Variants in NDRG1 observed in about 807,000 individuals in gnomAD.
NDRG1 encodes protein NDRG1.
A neutral mutation model predicts 56.9 loss-of-function variants in NDRG1; 32 were observed. That is an observed-to-expected ratio of 0.56 (90% CI 0.42 to 0.76). The LOEUF is 0.76. Among genes scored for constraint, NDRG1 ranks in the 30% least tolerant of loss-of-function variants. The pLI is 0.00. For missense variants in NDRG1, 507 were observed against 545.7 expected (o/e 0.93, Z 0.71); for synonymous variants, 211 against 204.1 (o/e 1.03, Z -0.29).
At chr8:133,248,904 G>T in intron 10 of NDRG1, 133 bp from the exon 11 acceptor site, 1 of 931,278 alleles carries the variant, frequency 1.1e-6, no homozygotes, top group Non-Finnish European at 1.7e-6. Context: ...ACTTGAGAGA[G>T]GCCCTGTGGC....
intron 9 of NDRG1, among the ~76,000 whole-genome samples, chr8:133,254,112 C>T (rs914780069): frequency 4.0e-5 from 6 of 151,792 alleles, no homozygotes; most frequent in African/African-American, 1.5e-4. Context: ...CTATATAATG[C>T]CATTTATATA....
chr8:133,251,922 G>A (rs564441717), intron 9 of NDRG1, among the ~76,000 whole-genome samples: 1 of 152,326 alleles, frequency 6.6e-6, no homozygotes, highest in African/African-American at 2.4e-5. Context: ...ACCATGTGAA[G>A]ACAGAGGCAG....
chr8:133,238,969 T>C lies in NDRG1; in HGVS notation c.1094A>G (p.His365Arg). Reference protein sequence around the residue: ...HTSEGTRSRSHTSEGAHLDIT... With the variant: ...HTSEGTRSRSRTSEGAHLDIT... The stretch of plus-strand genomic sequence containing the variant: ...GTCCAGGTGGGCCCCCTCGCTGGTG[T>C]GCGAGCGGCTGCGGGTGCCCTCGCT... Residue 365 changes from histidine to arginine, a missense_variant, in exon 16 of 16, where the codon CAC (histidine) becomes CGC (arginine). Physicochemically the swap from His to Arg is conservative, Grantham distance 29. Transcript: ENST00000323851. 6.3e-7 allele frequency: 1 copy of C among 1,587,414 alleles called. No individual in the cohort carries two copies. The highest frequency in any genetic ancestry group is 1.3e-5 in the African/African-American group (1 of 74,736).
At chr8:133,271,025 G>A (rs556103013) in intron 3 of NDRG1, among the ~76,000 whole-genome samples, 2 of 152,194 alleles carry the variant, frequency 1.3e-5, no homozygotes, top group Non-Finnish European at 2.9e-5. Flanking sequence ...GATGATTAGT[G>A]TGAAGCTCCC....
intron 3 of NDRG1, among the ~76,000 whole-genome samples, chr8:133,274,374 G>A (rs1281988328): frequency 6.6e-6 from 1 of 152,118 alleles, no homozygotes; most frequent in Non-Finnish European, 1.5e-5. Context: ...AAGGAAGTAG[G>A]AATCTGCCTG....
intron 13 of NDRG1, among the ~76,000 whole-genome samples, chr8:133,246,277 CTCT>C (rs1285664976): frequency 2.0e-5 from 3 of 152,234 alleles, no homozygotes; most frequent in South Asian, 2.1e-4. Flanking sequence ...TGGGACACGT[CTCT>C]TCTTATTGTG....
chr8:133,280,808 A>C (rs1217804702), intron 2 of NDRG1, among the ~76,000 whole-genome samples: 2 of 152,134 alleles, frequency 1.3e-5, no homozygotes, highest in Non-Finnish European at 2.9e-5. Flanking sequence ...CTTTCTGACA[A>C]TAGCCTTGAT....
intron 3 of NDRG1, among the ~76,000 whole-genome samples, chr8:133,266,012 C>T (rs910881456): frequency 1.3e-5 from 2 of 152,260 alleles, no homozygotes; most frequent in Non-Finnish European, 2.9e-5. Flanking sequence ...GAGGCAAGGC[C>T]ATCAGGCTGC....
intron 3 of NDRG1, among the ~76,000 whole-genome samples, chr8:133,268,215 C>T (rs1213459426): frequency 6.6e-6 from 1 of 152,136 alleles, no homozygotes; most frequent in South Asian, 2.1e-4. Flanking sequence ...GAGCATTACA[C>T]CCTAGAAAGG....
At chr8:133,294,673 G>GC (rs1554596648) in intron 1 of NDRG1, among the ~76,000 whole-genome samples, 4 of 108,026 alleles carry the variant, frequency 3.7e-5, no homozygotes, top group African/African-American at 1.3e-4. Context: ...TTCTGTCATG[G>GC]GGGGGGGGCA....
intron 3 of NDRG1, among the ~76,000 whole-genome samples, chr8:133,275,027 A>G (rs1345144769): frequency 6.6e-6 from 1 of 152,168 alleles, no homozygotes; most frequent in Non-Finnish European, 1.5e-5. Context: ...CTGAGGTCAG[A>G]TTATGCTGAC....
At chr8:133,278,669 A>G (rs1305600699) in intron 3 of NDRG1, among the ~76,000 whole-genome samples, 2 of 152,160 alleles carry the variant, frequency 1.3e-5, no homozygotes, top group Admixed American at 6.5e-5. Context: ...CTCTCCTGTT[A>G]TCATGAGATA....
At chr8:133,292,868 TCA>T (rs1858502204) in intron 1 of NDRG1, among the ~76,000 whole-genome samples, 1 of 152,186 alleles carries the variant, frequency 6.6e-6, no homozygotes, top group Non-Finnish European at 1.5e-5. Context: ...TTAAGGAGCC[TCA>T]CTTTCTACCA....
At chr8:133,285,614 C>G (rs764841439) in intron 1 of NDRG1, among the ~76,000 whole-genome samples, 2 of 152,218 alleles carry the variant, frequency 1.3e-5, no homozygotes, top group Non-Finnish European at 2.9e-5. Flanking sequence ...ACCCCGAATC[C>G]ACCCCGGGTC....
chr8:133,270,021 T>C (rs1563632202), intron 3 of NDRG1, among the ~76,000 whole-genome samples: 1 of 152,248 alleles, frequency 6.6e-6, no homozygotes, highest in East Asian at 1.9e-4. Context: ...ACACATGCCA[T>C]GCAAACCCTG....
At chr8:133,284,792 T>C in intron 1 of NDRG1, 1 of 457,356 alleles carries the variant, frequency 2.2e-6, no homozygotes, top group Non-Finnish European at 4.4e-6. Context: ...AGCCTCACAG[T>C]TAGCCCTAAC....
At chr8:133,262,728 C>T (rs752729845) in intron 4 of NDRG1, among the ~76,000 whole-genome samples, 1 of 152,164 alleles carries the variant, frequency 6.6e-6, no homozygotes, top group Non-Finnish European at 1.5e-5. Context: ...ACGGTATATC[C>T]CAAGCTCCCT....
In NDRG1 at chr8:133,251,188, G is replaced by A. The variant is rs1856016116; in HGVS notation, c.595-645C>T. ...TCGGCCTCAGCCTCCCCGTCTCTGGGTGCTTTTTGAATGTTATTTGCGACA... is the reference window on the plus strand; with the variant it reads ...TCGGCCTCAGCCTCCCCGTCTCTGGATGCTTTTTGAATGTTATTTGCGACA... On this transcript the variant is annotated intron_variant, in intron 9 of 15. Coordinates refer to ENST00000323851, the MANE Select transcript of NDRG1 (RefSeq NM_006096.4). Among the ~76,000 whole-genome samples the A allele has an allele frequency of 2.0e-5, 3 of 152,214 alleles. No homozygotes were observed. In the South Asian group the frequency reaches 6.2e-4, roughly 32 times the overall value.
chr8:133,276,749 C>T (rs955868162), intron 3 of NDRG1, among the ~76,000 whole-genome samples: 22 of 152,216 alleles, frequency 1.4e-4, no homozygotes, highest in African/African-American at 4.8e-4. Context: ...TCCATTAAAC[C>T]TCTTTTTCTT....
Sources: gnomAD v4.1 joint callset for allele counts (sites outside exome capture counted in the v4.1 genomes callset) on GRCh38, gnomAD v4.1.1 for gene constraint, MANE v1.5 for transcripts, NCBI Gene and HGNC (gene_info 2026-07-23, HGNC 2026-07-21) for gene names.